Variants in ATP6V1C2 observed in about 807,000 individuals in gnomAD.
ATP6V1C2 encodes the protein ATPase H+ transporting V1 subunit C2, also known as V-type proton ATPase subunit C 2.
A neutral mutation model predicts 56.8 loss-of-function variants in ATP6V1C2; 45 were observed. That is an observed-to-expected ratio of 0.79 (90% CI 0.62 to 1.02). The LOEUF (loss-of-function observed/expected upper bound fraction) is 1.02. ATP6V1C2 is among the 50% of genes least tolerant of loss of function. The pLI, the probability that ATP6V1C2 is intolerant of heterozygous loss-of-function variation, is 0.00. For synonymous variants in ATP6V1C2, 220 were observed against 201.3 expected, an observed-to-expected ratio of 1.09 and a Z score of -0.79; for missense variants, 463 against 519.7, an observed-to-expected ratio of 0.89 and a Z score of 1.06.
intron 3 of ATP6V1C2, among the ~76,000 whole-genome samples, chr2:10,741,026 G>T (rs1426103435): frequency 5.9e-5 from 9 of 152,210 alleles, no homozygotes; most frequent in African/African-American, 2.2e-4. Context: ...TTACTGTCTG[G>T]ACCGCATGTG....
intron 3 of ATP6V1C2, among the ~76,000 whole-genome samples, chr2:10,727,711 C>T (rs891463227): frequency 4.0e-5 from 6 of 151,814 alleles, no homozygotes; most frequent in African/African-American, 1.5e-4. Flanking sequence ...CCAGCCTGGC[C>T]AAGACGGTGA....
At chr2:10,774,227 C>A (rs985296823) in intron 8 of ATP6V1C2, among the ~76,000 whole-genome samples, 1 of 152,202 alleles carries the variant, frequency 6.6e-6, no homozygotes, top group Admixed American at 6.5e-5. Context: ...GCTGTGAGAT[C>A]GTGTCTGGGC....
intron 3 of ATP6V1C2, among the ~76,000 whole-genome samples, chr2:10,740,674 C>G (rs1212402445): frequency 6.6e-6 from 1 of 152,146 alleles, no homozygotes; most frequent in East Asian, 1.9e-4. Context: ...CCTGTTCCTT[C>G]CAAGGGGAAA....
intron 3 of ATP6V1C2, among the ~76,000 whole-genome samples, chr2:10,727,750 T>C (rs1260364134): frequency 6.6e-6 from 1 of 151,314 alleles, no homozygotes; most frequent in Non-Finnish European, 1.5e-5. Context: ...AATACAAAAA[T>C]TAGCTGGGTG....
In ATP6V1C2 at chr2:10,777,736, C is replaced by T. The variant is rs776252039; in HGVS notation, c.963+14C>T. 37 of 1,598,462 alleles carry T rather than the reference C, an allele frequency of 2.3e-5. No homozygotes were observed. Among genetic ancestry groups the T allele is most frequent in the African/African-American group, 2.0e-4 (15 of 74,204 alleles). On this transcript the variant is annotated intron_variant, in intron 11 of 13. Coordinates refer to ENST00000272238, the MANE Select transcript of ATP6V1C2 (RefSeq NM_001039362.2). ...GGCGAGGGTGAGGTAAGCAACGCCC[C>T]GGGAACCCCGGGGTCCCTGGCTCAC...
At chr2:10,770,134 C>G (rs952376260) in intron 6 of ATP6V1C2, 1 of 152,064 alleles carries the variant, frequency 6.6e-6, no homozygotes, top group South Asian at 2.1e-4. Context: ...CATGGTGGCT[C>G]ATGCCTGTAG....
chr2:10,733,137 A>G (rs950997826), intron 3 of ATP6V1C2, among the ~76,000 whole-genome samples: 4 of 152,116 alleles, frequency 2.6e-5, no homozygotes, highest in Admixed American at 6.5e-5. Context: ...TTGTGGGTAT[A>G]TATTCTTAAG....
At chr2:10,745,041 C>CT (rs5829274) in intron 3 of ATP6V1C2, among the ~76,000 whole-genome samples, 77,962 of 113,176 alleles carry the variant, frequency 0.69, 28,295 homozygotes, top group Non-Finnish European at 0.79. Context: ...TATTTATTTT[C>CT]TTTTTTTTTT....
rs1210592845 is a variant in ATP6V1C2, at chr2:10,780,214, CCT to C, written c.1061+1546_1061+1547del. 1.3e-5 allele frequency among the ~76,000 whole-genome samples: 2 copies of C among 152,184 alleles called. No homozygotes were observed. Among genetic ancestry groups the C allele is most frequent in the East Asian group, 3.8e-4 (2 of 5,196 alleles). On this transcript the variant is annotated intron_variant, in intron 12 of 13. Transcript: ENST00000272238. The surrounding 1 kb of genome is among the most constrained non-coding windows in gnomAD (Gnocchi z 4.1). ...CCTCCCGCACCCCTTCCTCTGCTTC[CCT>C]GTTTCTGCCAGTGGCCTCCTCATCC...
chr2:10,777,705 A>T lies in ATP6V1C2; in HGVS notation c.946A>T (p.Ser316Cys). The stretch of plus-strand genomic sequence containing the variant: ...GGGGCAGACCGACAGAGAGAGAGAG[A>T]GTGAGGGCGAGGGTGAGGTAAGCAA... ...AAGQTDRERE[S>C]EGEGEGPLLR... The change falls in exon 11 of 14, where the codon AGT (serine) becomes TGT (cysteine). Residue 316 changes from serine to cysteine, a missense_variant. Transcript: ENST00000272238. The T allele has an allele frequency of 8.1e-6, 13 of 1,611,648 alleles. No homozygotes were observed. Among genetic ancestry groups the T allele is most frequent in the Non-Finnish European group, 8.5e-6 (10 of 1,179,208 alleles).
intron 3 of ATP6V1C2, among the ~76,000 whole-genome samples, chr2:10,734,453 G>C (rs776196573): frequency 2.0e-5 from 3 of 152,108 alleles, no homozygotes; most frequent in Non-Finnish European, 4.4e-5. Context: ...CTTATGATTA[G>C]ATCCCTAGCA....
intron 5 of ATP6V1C2, among the ~76,000 whole-genome samples, chr2:10,766,798 TAC>T (rs1450179395): frequency 6.6e-6 from 1 of 151,336 alleles, no homozygotes; most frequent in African/African-American, 2.5e-5. Flanking sequence ...CCGTATACTA[TAC>T]AGTTGTACAG....
intron 6 of ATP6V1C2, among the ~76,000 whole-genome samples, chr2:10,769,598 G>A (rs1353812710): frequency 6.6e-6 from 1 of 152,182 alleles, no homozygotes; most frequent in Non-Finnish European, 1.5e-5. Flanking sequence ...TAGCTACTTG[G>A]GAGGCTGAGG....
chr2:10,737,418 CAA>C (rs111340144), intron 3 of ATP6V1C2, among the ~76,000 whole-genome samples: 89 of 116,472 alleles, frequency 7.6e-4, no homozygotes, highest in African/African-American at 7.5e-4. Context: ...GACTCTGTCT[CAA>C]AAAAAAAAAA....
intron 3 of ATP6V1C2, among the ~76,000 whole-genome samples, chr2:10,743,662 A>G (rs1662684912): frequency 6.6e-6 from 1 of 151,412 alleles, no homozygotes; most frequent in Non-Finnish European, 1.5e-5. Flanking sequence ...TAGGCACCAT[A>G]GGGACGCCCT....
At position 10,768,772 on chromosome 2, in the gene ATP6V1C2, T is replaced by C; in HGVS notation, c.432T>C (p.Thr144=). ...DLKSRTAAYN[T]LKTNLENLEK... ...AGTCCCGAACGGCCGCCTACAACAC[T>C]CTGAAGACAAACCTGGAGAACCTGG... Residue 144 remains threonine (T), a synonymous_variant, in exon 6 of 14, where the codon ACT becomes ACC. Coordinates refer to ENST00000272238, the MANE Select transcript of ATP6V1C2 (RefSeq NM_001039362.2). 1 of 1,613,934 alleles carries C rather than the reference T, an allele frequency of 6.2e-7. No homozygotes were observed. The highest frequency in any genetic ancestry group is 8.5e-7 in the Non-Finnish European group (1 of 1,180,026).
intron 8 of ATP6V1C2, among the ~76,000 whole-genome samples, chr2:10,773,079 C>T (rs540696603): frequency 6.6e-5 from 10 of 152,242 alleles, no homozygotes; most frequent in African/African-American, 1.4e-4. Context: ...AGGAGGAGAG[C>T]GGGTTACAGA....
At chr2:10,779,254 G>A (rs1665193613) in intron 12 of ATP6V1C2, among the ~76,000 whole-genome samples, 1 of 151,190 alleles carries the variant, frequency 6.6e-6, no homozygotes, top group Non-Finnish European at 1.5e-5. Context: ...ACAGGTGCCC[G>A]CCACCACGCC....
chr2:10,721,347 C>G (rs1661343457), upstream of ATP6V1C2, among the ~76,000 whole-genome samples: 1 of 152,178 alleles, frequency 6.6e-6, no homozygotes, highest in East Asian at 1.9e-4. Context: ...TCCCACCCGG[C>G]TCAGCCGTCC....
Sources: allele counts gnomAD v4.1 joint callset (sites outside exome capture counted in the v4.1 genomes callset), GRCh38; gene constraint gnomAD v4.1.1; non-coding constraint Gnocchi (gnomAD v3.1); transcripts MANE v1.5; gene names NCBI Gene and HGNC (gene_info 2026-07-23, HGNC 2026-07-21).